The following ZC3H12B variants were observed in gnomAD, a reference collection of about 807,000 sequenced individuals.
The protein encoded by ZC3H12B is probable ribonuclease ZC3H12B.
A neutral mutation model predicts 43.9 loss-of-function variants in ZC3H12B; 7 were observed. The ratio of observed to expected loss-of-function variants is 0.16; its 90% CI spans 0.09 to 0.30. ZC3H12B has a LOEUF of 0.30. Ranked by LOEUF, ZC3H12B falls within the 10% of genes least tolerant of loss-of-function variation. The pLI is 1.00. For missense variants in ZC3H12B, 475 were observed against 670.2 expected, an observed-to-expected ratio of 0.71 and a Z score of 3.22; for synonymous variants, 222 against 241.7, an observed-to-expected ratio of 0.92 and a Z score of 0.76.
rs1203602319 is a variant in ZC3H12B at position 65,381,608 on chromosome X, C to A, written n.295+12610C>A. Among the ~76,000 whole-genome samples the A allele has an allele frequency of 4.5e-5, 5 of 111,349 alleles. No homozygotes were observed. The Middle Eastern group carries it at 0.018, about 411-fold the overall frequency. ...AGGCAAGAAATAACTAAAATCAGAG[C>A]AGAACTGAAGGAAATAGAGACACAA... On this transcript the variant is annotated intron_variant and non_coding_transcript_variant, in intron 2 of 5. Transcript: ENST00000617377.
At chrX:65,112,431 T>C in the ZC3H12B span, among the ~76,000 whole-genome samples, 1 of 94,502 alleles carries the variant, frequency 1.1e-5, no homozygotes, top group African/African-American at 7.2e-5. Context: ...AGACAGCAGA[T>C]TTTGAATGTT....
At chrX:65,099,136 C>G in the ZC3H12B span, among the ~76,000 whole-genome samples, 1 of 111,726 alleles carries the variant, frequency 9.0e-6, no homozygotes, top group African/African-American at 3.3e-5. Flanking sequence ...TGAGGCAAAG[C>G]GACTGTGGCC....
chrX:65,161,185 G>A, the ZC3H12B span, among the ~76,000 whole-genome samples: 1 of 111,042 alleles, frequency 9.0e-6, no homozygotes, highest in African/African-American at 3.3e-5. Flanking sequence ...TTCCAACTAT[G>A]TGGTCAATTT....
At chrX:65,225,313 G>T in the ZC3H12B span, among the ~76,000 whole-genome samples, 3 of 112,439 alleles carry the variant, frequency 2.7e-5, no homozygotes, top group Non-Finnish European at 1.9e-5. Context: ...GCAGCTGAGG[G>T]TCCTGTCTGT....
chrX:65,332,903 C>A, the ZC3H12B span, among the ~76,000 whole-genome samples: 4 of 112,186 alleles, frequency 3.6e-5, no homozygotes, highest in South Asian at 1.5e-3. Context: ...GCTTATGATA[C>A]TTGGCCTGTT....
At chrX:65,371,739 T>C (rs2066247817) in intron 2 of ZC3H12B, among the ~76,000 whole-genome samples, 2 of 111,999 alleles carry the variant, frequency 1.8e-5, no homozygotes, top group African/African-American at 6.5e-5. Context: ...TTAATATCAT[T>C]TGAAGAAAGT....
At chrX:65,184,320 A>T in the ZC3H12B span, among the ~76,000 whole-genome samples, 369 of 111,349 alleles carry the variant, frequency 3.3e-3, no homozygotes, top group Non-Finnish European at 5.2e-3. Flanking sequence ...AAACTCATGT[A>T]TAGTATACCA....
At chrX:65,333,203 A>G in the ZC3H12B span, among the ~76,000 whole-genome samples, 1 of 109,845 alleles carries the variant, frequency 9.1e-6, no homozygotes, top group Non-Finnish European at 1.9e-5. Flanking sequence ...GGCCAGTTTT[A>G]CCAAGGGGCT....
At chrX:65,298,761 A>T in the ZC3H12B span, among the ~76,000 whole-genome samples, 2 of 111,973 alleles carry the variant, frequency 1.8e-5, no homozygotes, top group African/African-American at 6.5e-5. Context: ...GAGACTGGGT[A>T]ATTTATAAAA....
chrX:65,151,805 T>C, the ZC3H12B span, among the ~76,000 whole-genome samples: 1 of 111,467 alleles, frequency 9.0e-6, no homozygotes, highest in Non-Finnish European at 1.9e-5. Flanking sequence ...CCAATATCCT[T>C]GATGAACATT....
chrX:65,083,839 A>T, the ZC3H12B span, among the ~76,000 whole-genome samples: 1 of 112,021 alleles, frequency 8.9e-6, no homozygotes, highest in Non-Finnish European at 1.9e-5. Flanking sequence ...GAATCACATT[A>T]TTGACTTCAA....
the ZC3H12B span, among the ~76,000 whole-genome samples, chrX:65,202,146 TG>T: frequency 5.3e-4 from 37 of 70,365 alleles, 1 homozygote; most frequent in African/African-American, 0.012. Context: ...TTATATAATA[TG>T]AAATATATAT....
At chrX:65,453,002 C>T (rs940690273) in intron 3 of ZC3H12B, among the ~76,000 whole-genome samples, 1 of 110,295 alleles carries the variant, frequency 9.1e-6, no homozygotes, top group Non-Finnish European at 1.9e-5. Flanking sequence ...AAAAACAATC[C>T]TAAGGCACAG....
chrX:65,162,416 G>A, the ZC3H12B span, among the ~76,000 whole-genome samples: 1 of 111,977 alleles, frequency 8.9e-6, no homozygotes, highest in African/African-American at 3.2e-5. Context: ...ATCAGACGTA[G>A]ATTTGGTCTT....
intron 3 of ZC3H12B, among the ~76,000 whole-genome samples, chrX:65,422,532 T>A (rs908292797): frequency 9.8e-6 from 1 of 101,738 alleles, no homozygotes; most frequent in South Asian, 3.8e-4. Context: ...CATTTTTTGA[T>A]GTTTTATTTT....
At chrX:65,161,571 A>C in the ZC3H12B span, among the ~76,000 whole-genome samples, 1 of 111,340 alleles carries the variant, frequency 9.0e-6, no homozygotes, top group East Asian at 2.8e-4. Flanking sequence ...TTTATCAGAG[A>C]CTAGGATTGC....
the ZC3H12B span, among the ~76,000 whole-genome samples, chrX:65,244,065 C>A: frequency 9.0e-6 from 1 of 111,147 alleles, no homozygotes; most frequent in Non-Finnish European, 1.9e-5. Flanking sequence ...AGCACAATAG[C>A]ATGACTATAG....
the ZC3H12B span, among the ~76,000 whole-genome samples, chrX:65,053,353 C>T: frequency 2.1e-4 from 23 of 110,622 alleles, no homozygotes; most frequent in East Asian, 1.4e-3. Context: ...TGAGAACATG[C>T]GGTGTTTGGT....
intron 3 of ZC3H12B, among the ~76,000 whole-genome samples, chrX:65,466,547 T>G (rs970945064): frequency 9.1e-6 from 1 of 110,053 alleles, no homozygotes; most frequent in Non-Finnish European, 1.9e-5. Context: ...GCAGATTTCT[T>G]TCCAAGATAC....
Sources: gnomAD v4.1 joint callset for allele counts (sites outside exome capture counted in the v4.1 genomes callset) on GRCh38, gnomAD v4.1.1 for gene constraint, MANE v1.5 for transcripts, NCBI Gene and HGNC (gene_info 2026-07-23, HGNC 2026-07-21) for gene names.